BICD1: variants seen among roughly 807,000 people sequenced by gnomAD.
The protein encoded by BICD1 is protein bicaudal D homolog 1.
A neutral mutation model predicts 92.5 loss-of-function variants in BICD1; 35 were observed. The observed-to-expected ratio is 0.38, with a 90% confidence interval of 0.29 to 0.50. The LOEUF is 0.50. BICD1 is among the 20% of genes least tolerant of loss of function. The pLI is 0.93. For synonymous variants in BICD1, 429 were observed against 465.1 expected, an observed-to-expected ratio of 0.92 and a Z score of 1.00; for missense variants, 950 against 1,189.8, an observed-to-expected ratio of 0.80 and a Z score of 2.97.
intron 1 of BICD1, among the ~76,000 whole-genome samples, chr12:32,197,594 A>G (rs1414645154): frequency 1.3e-5 from 2 of 152,202 alleles, no homozygotes; most frequent in Non-Finnish European, 2.9e-5. Context: ...CATATAAAGG[A>G]GGGAGAACAA....
At chr12:32,362,766 C>T (rs1939379595) in intron 8 of BICD1, among the ~76,000 whole-genome samples, 1 of 152,154 alleles carries the variant, frequency 6.6e-6, no homozygotes, top group South Asian at 2.1e-4. Context: ...CAAGTTAATA[C>T]ACATGCTGAG....
chr12:32,182,990 C>T (rs1331535597), intron 1 of BICD1, among the ~76,000 whole-genome samples: 3 of 147,322 alleles, frequency 2.0e-5, no homozygotes, highest in East Asian at 2.0e-4. Flanking sequence ...GACCTAGACT[C>T]GAGCAATCCT....
intron 2 of BICD1, among the ~76,000 whole-genome samples, chr12:32,255,385 A>G (rs1437117042): frequency 6.6e-6 from 1 of 152,108 alleles, no homozygotes; most frequent in Non-Finnish European, 1.5e-5. Context: ...AACAGCCACC[A>G]TGTGCCAGTC....
intron 2 of BICD1, among the ~76,000 whole-genome samples, chr12:32,223,627 G>A (rs551363698): frequency 2.6e-5 from 4 of 151,878 alleles, no homozygotes; most frequent in South Asian, 2.1e-4. Context: ...AGACTGTTTC[G>A]CTTTCTTATC....
At chr12:32,339,827 A>G (rs2136284250) in intron 8 of BICD1, 1 of 980,792 alleles carries the variant, frequency 1.0e-6, no homozygotes, top group East Asian at 1.1e-4. Context: ...TTAGTTATTG[A>G]CAGTTAAAAA....
intron 2 of BICD1, among the ~76,000 whole-genome samples, chr12:32,283,031 G>T (rs1461001267): frequency 6.6e-6 from 1 of 152,146 alleles, no homozygotes; most frequent in Non-Finnish European, 1.5e-5. Flanking sequence ...GCAGTAGAAT[G>T]GAAGCAACTA....
At chr12:32,145,805 G>T (rs1943083642) in intron 1 of BICD1, among the ~76,000 whole-genome samples, 2 of 152,176 alleles carry the variant, frequency 1.3e-5, no homozygotes, top group South Asian at 2.1e-4. Context: ...CTGTATATTT[G>T]TACATCATGA....
intron 1 of BICD1, among the ~76,000 whole-genome samples, chr12:32,117,838 C>T (rs1028660898): frequency 4.7e-5 from 7 of 149,638 alleles, no homozygotes; most frequent in South Asian, 2.1e-4. Flanking sequence ...GCAACCTCCA[C>T]CTCCCAGTTT....
At chr12:32,298,421 C>T (rs7300494) in intron 3 of BICD1, among the ~76,000 whole-genome samples, 21,041 of 151,214 alleles carry the variant, frequency 0.14, 1,531 homozygotes, top group East Asian at 0.2. Context: ...AGAAATTAGC[C>T]GGGCGTGGTG....
intron 3 of BICD1, among the ~76,000 whole-genome samples, chr12:32,300,737 C>A (rs879565056): frequency 1.4e-5 from 2 of 147,706 alleles, no homozygotes; most frequent in South Asian, 4.3e-4. Context: ...CTCTGCCTCC[C>A]GGGTTCACGC....
At chr12:32,181,167 C>G (rs571232561) in intron 1 of BICD1, among the ~76,000 whole-genome samples, 1 of 151,608 alleles carries the variant, frequency 6.6e-6, no homozygotes, top group African/African-American at 2.4e-5. Flanking sequence ...CACCTGTAAC[C>G]CCAGCAGTTT....
intron 2 of BICD1, among the ~76,000 whole-genome samples, chr12:32,223,950 G>A (rs1281246069): frequency 1.3e-5 from 2 of 152,196 alleles, no homozygotes; most frequent in Non-Finnish European, 2.9e-5. Context: ...TTATATGGAT[G>A]TGGTTCATGT....
rs979023017 is a variant in BICD1, at chr12:32,354,837, T to A, written c.2765-12833T>A. ...TATTTATGTAAATGTTTCTATCTCA[T>A]GCTCTTCTTTTATATATAATATTTC... is the stretch of plus-strand genomic sequence containing the variant. On this transcript the variant is annotated intron_variant, in intron 8 of 9. Coordinates refer to ENST00000652176, the MANE Select transcript of BICD1 (RefSeq NM_001714.4). 3.3e-5 allele frequency among the ~76,000 whole-genome samples: 5 copies of A among 152,232 alleles called. No individual in the cohort carries two copies. The East Asian group carries it at 5.8e-4, about 18-fold the overall frequency.
intron 4 of BICD1, among the ~76,000 whole-genome samples, chr12:32,322,558 C>T (rs1357942463): frequency 2.6e-5 from 4 of 152,230 alleles, no homozygotes; most frequent in Non-Finnish European, 5.9e-5. Context: ...TGCCACTCAC[C>T]TCCTGCTGTG....
At chr12:32,363,518 T>A (rs1182719961) in intron 8 of BICD1, among the ~76,000 whole-genome samples, 1 of 152,226 alleles carries the variant, frequency 6.6e-6, no homozygotes, top group Non-Finnish European at 1.5e-5. Context: ...TATGATAAAA[T>A]GTCTTATTAC....
chr12:32,225,176 T>C (rs2121576044), intron 2 of BICD1, among the ~76,000 whole-genome samples: 1 of 152,352 alleles, frequency 6.6e-6, no homozygotes, highest in Non-Finnish European at 1.5e-5. Flanking sequence ...GTTTTATTTT[T>C]TTCTTTTCAG....
chr12:32,331,406 T>G (rs1187550867), intron 5 of BICD1, among the ~76,000 whole-genome samples: 1 of 152,178 alleles, frequency 6.6e-6, no homozygotes, highest in African/African-American at 2.4e-5. Context: ...TAGCTGAAGT[T>G]TTATTTTCAC....
chr12:32,238,128 G>A (rs1374976817), intron 2 of BICD1, among the ~76,000 whole-genome samples: 1 of 152,154 alleles, frequency 6.6e-6, no homozygotes, highest in Non-Finnish European at 1.5e-5. Flanking sequence ...AGTAGAGCAG[G>A]CTGGGCATGG....
At chr12:32,272,868 G>T (rs61926958) in intron 2 of BICD1, among the ~76,000 whole-genome samples, 1 of 152,234 alleles carries the variant, frequency 6.6e-6, no homozygotes, top group Non-Finnish European at 1.5e-5. Context: ...GTTTAGATTG[G>T]AAAATAAGTA....
Sources: gnomAD v4.1 joint callset for allele counts (sites outside exome capture counted in the v4.1 genomes callset) on GRCh38, gnomAD v4.1.1 for gene constraint, MANE v1.5 for transcripts, NCBI Gene and HGNC (gene_info 2026-07-23, HGNC 2026-07-21) for gene names.